The following SLC35F4 variants were observed in gnomAD, a reference collection of about 807,000 sequenced individuals.
SLC35F4 encodes the protein chromosome 14 open reading frame 36.
A neutral mutation model predicts 44.2 loss-of-function variants in SLC35F4; 24 were observed. The ratio of observed to expected loss-of-function variants is 0.54; its 90% CI spans 0.39 to 0.76. The LOEUF (loss-of-function observed/expected upper bound fraction) is 0.76, where lower values mean the gene tolerates loss of function less well. SLC35F4 is among the 30% of genes least tolerant of loss of function. SLC35F4 has a pLI of 0.00. For missense variants in SLC35F4, 562 were observed against 586.1 expected (o/e 0.96, Z 0.42); for synonymous variants, 238 against 223.6 (o/e 1.06, Z -0.57).
intron 1 of SLC35F4, among the ~76,000 whole-genome samples, chr14:57,730,123 C>T (rs1046555084): frequency 2.0e-5 from 3 of 152,210 alleles, no homozygotes; most frequent in Non-Finnish European, 4.4e-5. Flanking sequence ...AAGACTGTCT[C>T]TTTTGCTCTC....
At chr14:57,701,598 T>C (rs1594831064) in intron 1 of SLC35F4, among the ~76,000 whole-genome samples, 1 of 152,300 alleles carries the variant, frequency 6.6e-6, no homozygotes, top group East Asian at 1.9e-4. Flanking sequence ...ATGATGTCAC[T>C]AAGCAATAGG....
chr14:57,687,841 A>T (rs1466172586), intron 1 of SLC35F4, among the ~76,000 whole-genome samples: 1 of 152,206 alleles, frequency 6.6e-6, no homozygotes. Context: ...ATTTCTGAAG[A>T]ATATAAACAA....
chr14:57,786,139 G>A (rs1051810103), intron 1 of SLC35F4, among the ~76,000 whole-genome samples: 2 of 152,080 alleles, frequency 1.3e-5, no homozygotes, highest in Non-Finnish European at 2.9e-5. Context: ...GGCTATGAGT[G>A]CTGGATTTCC....
chr14:57,877,310 A>G (rs186239989), intron 1 of SLC35F4, among the ~76,000 whole-genome samples: 1 of 152,218 alleles, frequency 6.6e-6, no homozygotes, highest in Admixed American at 6.5e-5. Context: ...GCCTCCATCC[A>G]TGTTGTTGCA....
intron 1 of SLC35F4, among the ~76,000 whole-genome samples, chr14:57,651,029 A>G (rs1054028184): frequency 2.0e-5 from 3 of 152,098 alleles, no homozygotes; most frequent in Admixed American, 6.6e-5. Context: ...ACATTACTCC[A>G]TTTATTTCCT....
At chr14:57,748,326 T>C (rs572541330) in intron 1 of SLC35F4, among the ~76,000 whole-genome samples, 1 of 152,282 alleles carries the variant, frequency 6.6e-6, no homozygotes, top group South Asian at 2.1e-4. Context: ...GTCTACTCAA[T>C]TTTTATCACA....
intron 1 of SLC35F4, among the ~76,000 whole-genome samples, chr14:57,743,600 A>C (rs1566815126): frequency 6.6e-6 from 1 of 152,196 alleles, no homozygotes; most frequent in Non-Finnish European, 1.5e-5. Context: ...ACCAACCAGA[A>C]AAACTCCAGG....
At chr14:57,700,989 G>A (rs1006608522) in intron 1 of SLC35F4, among the ~76,000 whole-genome samples, 1 of 151,836 alleles carries the variant, frequency 6.6e-6, no homozygotes, top group Non-Finnish European at 1.5e-5. Flanking sequence ...CTTAAATTTG[G>A]TTTTGTTTGC....
intron 1 of SLC35F4, among the ~76,000 whole-genome samples, chr14:57,790,619 G>T (rs2140800975): frequency 6.6e-6 from 1 of 152,236 alleles, no homozygotes; most frequent in Non-Finnish European, 1.5e-5. Flanking sequence ...TTTCTTCACA[G>T]AATTGGAAAA....
chr14:57,803,405 T>G (rs1875663013), intron 1 of SLC35F4, among the ~76,000 whole-genome samples: 1 of 152,158 alleles, frequency 6.6e-6, no homozygotes. Flanking sequence ...AAGACAAGGA[T>G]GCCGTCTCTC....
At chr14:57,775,284 A>G (rs753171028) in intron 1 of SLC35F4, among the ~76,000 whole-genome samples, 3 of 152,230 alleles carry the variant, frequency 2.0e-5, no homozygotes, top group Admixed American at 6.5e-5. Flanking sequence ...GCTGCAGCCG[A>G]TAAGTGTGCA....
chr14:57,967,476 T>C (rs1880908056), intron 1 of SLC35F4, among the ~76,000 whole-genome samples: 1 of 152,246 alleles, frequency 6.6e-6, no homozygotes, highest in Non-Finnish European at 1.5e-5. Flanking sequence ...AGTATCATAC[T>C]GTACACAGTC....
At chr14:57,726,493 T>C (rs759660528) in intron 1 of SLC35F4, among the ~76,000 whole-genome samples, 4 of 152,230 alleles carry the variant, frequency 2.6e-5, no homozygotes, top group African/African-American at 4.8e-5. Context: ...CTTGTACTAA[T>C]ATATTTTATT....
At chr14:57,964,494 C>T (rs1051491270) in intron 1 of SLC35F4, among the ~76,000 whole-genome samples, 2 of 152,192 alleles carry the variant, frequency 1.3e-5, no homozygotes, top group Admixed American at 1.3e-4. Context: ...AATATGGAAC[C>T]TACTTTTCTA....
intron 1 of SLC35F4, among the ~76,000 whole-genome samples, chr14:57,981,530 AT>A (rs1309383241): frequency 6.6e-6 from 1 of 152,172 alleles, no homozygotes; most frequent in African/African-American, 2.4e-5. Flanking sequence ...AAATGACTTC[AT>A]TCTCATCTCA....
At position 57,865,989 on chromosome 14, in the gene SLC35F4, A is replaced by AGCGGCGGCGGCGGCGGCGGCGGCG. The variant is rs572660364; in HGVS notation, c.-188_-165dup. 2.7e-6 allele frequency: 1 copy of AGCGGCGGCGGCGGCGGCGGCGGCG among 365,260 alleles called. No individual in the cohort carries two copies. Among genetic ancestry groups the AGCGGCGGCGGCGGCGGCGGCGGCG allele is most frequent in the East Asian group, 5.6e-5 (1 of 17,732 alleles). 22.6% of individuals were successfully genotyped at this position (365,260 alleles called of 1,614,324 possible). A position where few individuals can be genotyped will look rare whatever the true frequency, so the allele number is the denominator to read the frequency against. On this transcript the variant is annotated 5_prime_UTR_variant, in exon 1 of 8. Transcript: ENST00000556826. ...CGGCGCAGCACCGGCTCCGCATCAC[A>AGCGGCGGCGGCGGCGGCGGCGGCG]GCGGCGGCGGCGGCGGCGGCGGCGG...
intron 1 of SLC35F4, among the ~76,000 whole-genome samples, chr14:57,865,073 G>A (rs1366360683): frequency 1.6e-5 from 1 of 61,648 alleles, no homozygotes; most frequent in Non-Finnish European, 3.5e-5. Context: ...CCCCCCCCAC[G>A]CCCCCAGTCT....
At chr14:57,661,754 C>T (rs940137175) in intron 1 of SLC35F4, among the ~76,000 whole-genome samples, 1 of 152,098 alleles carries the variant, frequency 6.6e-6, no homozygotes, top group African/African-American at 2.4e-5. Context: ...CATCAGAATC[C>T]CCAGAGGGTT....
At chr14:57,770,097 G>A (rs2077327293) in intron 1 of SLC35F4, among the ~76,000 whole-genome samples, 1 of 152,158 alleles carries the variant, frequency 6.6e-6, no homozygotes, top group Admixed American at 6.5e-5. Context: ...GTACAGTAGA[G>A]CAGGGTTCCA....
Sources: gnomAD v4.1 joint callset for allele counts (sites outside exome capture counted in the v4.1 genomes callset) on GRCh38, gnomAD v4.1.1 for gene constraint, MANE v1.5 for transcripts, NCBI Gene and HGNC (gene_info 2026-07-23, HGNC 2026-07-21) for gene names.